The following LIN52 variants were observed in gnomAD, a reference collection of about 807,000 sequenced individuals.
The protein encoded by LIN52 is lin-52 DREAM MuvB core complex component, also known as protein lin-52 homolog.
Under a neutral mutation model 18.5 loss-of-function variants are expected in LIN52, and 4 were observed. The ratio of observed to expected loss-of-function variants is 0.22; its 90% CI spans 0.11 to 0.49. LIN52 has a LOEUF of 0.49. Ranked by LOEUF, LIN52 falls within the 20% of genes least tolerant of loss-of-function variation. The pLI is 0.97. For synonymous variants in LIN52, 34 were observed against 45.5 expected (o/e 0.75, Z 1.02); for missense variants, 102 against 139.5 (o/e 0.73, Z 1.35).
intron 5 of LIN52, among the ~76,000 whole-genome samples, chr14:74,173,433 C>T (rs1308082154): frequency 2.6e-5 from 4 of 152,120 alleles, no homozygotes; most frequent in African/African-American, 7.2e-5. Context: ...GTGATCCGCC[C>T]GCCTTGGCCT....
chr14:74,152,446 T>C (rs1434227462), intron 5 of LIN52, among the ~76,000 whole-genome samples: 2 of 152,094 alleles, frequency 1.3e-5, no homozygotes, highest in Non-Finnish European at 2.9e-5. Context: ...TACTAATAGG[T>C]ACTTCATTCA....
intron 5 of LIN52, among the ~76,000 whole-genome samples, chr14:74,133,866 G>T (rs2061082269): frequency 6.6e-6 from 1 of 152,172 alleles, no homozygotes; most frequent in Non-Finnish European, 1.5e-5. Flanking sequence ...GAATTGCTCT[G>T]TGGGTTCTTT....
intron 5 of LIN52, among the ~76,000 whole-genome samples, chr14:74,180,759 G>A (rs2061315024): frequency 6.6e-6 from 1 of 152,112 alleles, no homozygotes; most frequent in Admixed American, 6.5e-5. Context: ...GCATTGGTAT[G>A]AATGCAATTA....
intron 5 of LIN52, among the ~76,000 whole-genome samples, chr14:74,132,016 T>C (rs2139940226): frequency 1.3e-5 from 2 of 152,352 alleles, no homozygotes; most frequent in Non-Finnish European, 2.9e-5. Flanking sequence ...TGACAGAACC[T>C]GGCATCTGAA....
intron 5 of LIN52, among the ~76,000 whole-genome samples, chr14:74,113,819 A>G (rs535112880): frequency 6.6e-6 from 1 of 152,280 alleles, no homozygotes; most frequent in South Asian, 2.1e-4. Context: ...AACAAACCAT[A>G]GCCTTACCAC....
At chr14:74,122,158 C>T (rs1157552823) in intron 5 of LIN52, among the ~76,000 whole-genome samples, 2 of 152,096 alleles carry the variant, frequency 1.3e-5, no homozygotes, top group Non-Finnish European at 2.9e-5. Context: ...CTAAACGGAA[C>T]TGTAGTAAAA....
intron 5 of LIN52, among the ~76,000 whole-genome samples, chr14:74,153,790 C>T (rs542196851): frequency 2.6e-5 from 4 of 152,216 alleles, no homozygotes; most frequent in African/African-American, 7.2e-5. Context: ...GTGATCCACC[C>T]GCCTCTGCCT....
chr14:74,160,568 G>T (rs1419984756), intron 5 of LIN52, among the ~76,000 whole-genome samples: 1 of 152,104 alleles, frequency 6.6e-6, no homozygotes, highest in African/African-American at 2.4e-5. Flanking sequence ...AAGGGAAAGG[G>T]TTTGCCTTTT....
At chr14:74,140,282 C>A (rs2061122274) in intron 5 of LIN52, among the ~76,000 whole-genome samples, 4 of 152,162 alleles carry the variant, frequency 2.6e-5, no homozygotes, top group Admixed American at 2.6e-4. Flanking sequence ...GTTATGGTGA[C>A]TGGATTCTCA....
intron 5 of LIN52, among the ~76,000 whole-genome samples, chr14:74,122,375 A>C (rs1243767470): frequency 1.3e-5 from 2 of 152,226 alleles, no homozygotes; most frequent in Admixed American, 1.3e-4. Context: ...TAAAACAACA[A>C]AATTTAAAAA....
chr14:74,122,088 A>T (rs1051563701), intron 5 of LIN52, among the ~76,000 whole-genome samples: 7 of 152,228 alleles, frequency 4.6e-5, no homozygotes, highest in Non-Finnish European at 8.8e-5. Flanking sequence ...TACAGCTTTG[A>T]CATTATTATA....
chr14:74,097,101 T>G (rs916917564), intron 3 of LIN52, among the ~76,000 whole-genome samples: 1 of 152,228 alleles, frequency 6.6e-6, no homozygotes, highest in African/African-American at 2.4e-5. Flanking sequence ...TCTTGATTCT[T>G]CTTTGAATCT....
intron 5 of LIN52, among the ~76,000 whole-genome samples, chr14:74,101,528 G>A (rs1400457320): frequency 4.0e-5 from 6 of 149,424 alleles, no homozygotes; most frequent in South Asian, 2.1e-4. Flanking sequence ...GCGGGATCTC[G>A]GCTCACTGCA....
intron 5 of LIN52, among the ~76,000 whole-genome samples, chr14:74,185,668 TTTA>T (rs2061338103): frequency 6.6e-6 from 1 of 152,170 alleles, no homozygotes; most frequent in Admixed American, 6.5e-5. Context: ...ACATAATTAT[TTTA>T]TTTAACCTAC....
chr14:74,198,941 G>T lies in LIN52; in HGVS notation c.303G>T (p.Gly101=). 1 of 1,613,072 alleles carries T rather than the reference G, an allele frequency of 6.2e-7. No homozygotes were observed. ...GLDESREMTR[G]KFLNILEKPK... The stretch of plus-strand genomic sequence containing the variant: ...TTCCAGCCAGAGAGATGACACGGGG[G>T]AAATTCCTCAATATTCTAGAGAAGC... The change falls in exon 6 of 6, where the codon GGG becomes GGT. Residue 101 remains glycine (G), a synonymous_variant. Transcript: ENST00000555028.
chr14:74,160,981 C>G (rs35931400), intron 5 of LIN52, among the ~76,000 whole-genome samples: 16,999 of 152,182 alleles, frequency 0.11, 1,249 homozygotes, highest in Admixed American at 0.19. Flanking sequence ...AAATACAGAA[C>G]TTGCTTTGAC....
chr14:74,182,979 T>C (rs1339407786), intron 5 of LIN52, among the ~76,000 whole-genome samples: 1 of 152,214 alleles, frequency 6.6e-6, no homozygotes, highest in Non-Finnish European at 1.5e-5. Context: ...TTTGGTAGAT[T>C]TTAAAAAATA....
intron 2 of LIN52, among the ~76,000 whole-genome samples, chr14:74,093,100 C>T (rs973799066): frequency 5.3e-5 from 8 of 150,102 alleles, no homozygotes; most frequent in African/African-American, 1.2e-4. Context: ...TATAGGTGCC[C>T]GCCACAATGC....
intron 1 of LIN52, among the ~76,000 whole-genome samples, chr14:74,086,958 G>T (rs2060736794): frequency 6.7e-6 from 1 of 149,548 alleles, no homozygotes; most frequent in South Asian, 2.2e-4. Flanking sequence ...GAAAAAAAAA[G>T]CCAAGTAATA....
Sources: gnomAD v4.1 joint callset for allele counts (sites outside exome capture counted in the v4.1 genomes callset) on GRCh38, gnomAD v4.1.1 for gene constraint, MANE v1.5 for transcripts, NCBI Gene and HGNC (gene_info 2026-07-23, HGNC 2026-07-21) for gene names.